Variants in ROBO2 observed in about 807,000 individuals in gnomAD.
ROBO2 encodes the protein roundabout guidance receptor 2, also known as roundabout homolog 2.
Under a neutral mutation model 160.8 loss-of-function variants are expected in ROBO2, and 53 were observed. That is an observed-to-expected ratio of 0.33 (90% CI 0.26 to 0.41). The LOEUF (loss-of-function observed/expected upper bound fraction) is 0.41. ROBO2 is among the 10% of genes least tolerant of loss of function. ROBO2 has a pLI of 1.00. For synonymous variants in ROBO2, 664 were observed against 611.7 expected, an observed-to-expected ratio of 1.09 and a Z score of -1.26; for missense variants, 1,577 against 1,722.4, an observed-to-expected ratio of 0.92 and a Z score of 1.49.
At chr3:76,208,569 C>T (rs1040024271) in intron 2 of ROBO2, among the ~76,000 whole-genome samples, 15 of 152,122 alleles carry the variant, frequency 9.9e-5, no homozygotes, top group African/African-American at 3.6e-4. Flanking sequence ...TCTTAACATA[C>T]TTTCGTATAA....
rs1189261644 is a variant in ROBO2 at position 77,625,552 on chromosome 3, A to AT, written c.3760+3125dup. Among the ~76,000 whole-genome samples the AT allele has an allele frequency of 2.6e-5, 4 of 151,896 alleles. No homozygotes were observed. The South Asian group carries it at 8.3e-4, about 31-fold the overall frequency. ...ACCACCATGCCCAGCTGATTTTTGT[A>AT]TTTTTAGTAGAGACGGGGTTTCACC... On this transcript the variant is annotated intron_variant, in intron 23 of 25. Transcript: ENST00000461745.
chr3:76,372,570 A>G (rs1249433479), intron 2 of ROBO2, among the ~76,000 whole-genome samples: 4 of 152,092 alleles, frequency 2.6e-5, no homozygotes, highest in African/African-American at 9.6e-5. Flanking sequence ...TATAACAGAT[A>G]TCTTCTACTT....
chr3:76,924,332 A>G (rs962405176), intron 2 of ROBO2, among the ~76,000 whole-genome samples: 1 of 152,136 alleles, frequency 6.6e-6, no homozygotes, highest in Non-Finnish European at 1.5e-5. Flanking sequence ...GAATGAGATT[A>G]TTATTTTCTT....
At chr3:77,248,996 G>T (rs936506235) in intron 2 of ROBO2, among the ~76,000 whole-genome samples, 1 of 152,100 alleles carries the variant, frequency 6.6e-6, no homozygotes, top group African/African-American at 2.4e-5. Context: ...TCCTGCCTCA[G>T]CCTCCCGAGT....
At chr3:76,380,026 ATAACCAGTAT>A (rs2076538426) in intron 2 of ROBO2, among the ~76,000 whole-genome samples, 1 of 151,910 alleles carries the variant, frequency 6.6e-6, no homozygotes, top group African/African-American at 2.4e-5. Flanking sequence ...TTCTTATGTT[ATAACCAGTAT>A]CACTAAAAAA....
intron 2 of ROBO2, among the ~76,000 whole-genome samples, chr3:75,977,254 A>G (rs1455317922): frequency 6.6e-6 from 1 of 151,514 alleles, no homozygotes; most frequent in Non-Finnish European, 1.5e-5. Flanking sequence ...ATACGACTAG[A>G]GCACAGATCA....
chr3:77,338,747 C>A (rs1316819391), intron 2 of ROBO2, among the ~76,000 whole-genome samples: 1 of 151,998 alleles, frequency 6.6e-6, no homozygotes, highest in Non-Finnish European at 1.5e-5. Context: ...AGGTATAGGT[C>A]AAGAAAATTA....
At chr3:76,396,850 C>T (rs954634301) in intron 2 of ROBO2, among the ~76,000 whole-genome samples, 7 of 152,138 alleles carry the variant, frequency 4.6e-5, no homozygotes, top group African/African-American at 7.2e-5. Flanking sequence ...AAGAACATTC[C>T]ATGCTCATGG....
intron 2 of ROBO2, among the ~76,000 whole-genome samples, chr3:76,396,703 A>G (rs377650713): frequency 6.6e-6 from 1 of 152,034 alleles, no homozygotes; most frequent in Non-Finnish European, 1.5e-5. Flanking sequence ...AGCCAAATCA[A>G]GAGTGAACTC....
At chr3:75,942,270 T>C (rs1414144170) in intron 2 of ROBO2, among the ~76,000 whole-genome samples, 2 of 152,136 alleles carry the variant, frequency 1.3e-5, no homozygotes, top group Admixed American at 6.6e-5. Context: ...GTGAGGTTGC[T>C]TGGTAAATTA....
chr3:76,302,262 T>C (rs1709399837), intron 2 of ROBO2, among the ~76,000 whole-genome samples: 2 of 152,094 alleles, frequency 1.3e-5, no homozygotes, highest in Non-Finnish European at 2.9e-5. Context: ...TATTAAATAC[T>C]ACTTAAATTT....
At chr3:76,255,134 T>C (rs1706276566) in intron 2 of ROBO2, among the ~76,000 whole-genome samples, 1 of 152,104 alleles carries the variant, frequency 6.6e-6, no homozygotes, top group South Asian at 2.1e-4. Context: ...CTGTGGAGGC[T>C]GTCCATTGGT....
At chr3:76,999,849 G>C (rs2061243394) in intron 2 of ROBO2, among the ~76,000 whole-genome samples, 1 of 152,216 alleles carries the variant, frequency 6.6e-6, no homozygotes, top group East Asian at 1.9e-4. Flanking sequence ...ATATACCTTT[G>C]TGTTCTTTGT....
At chr3:76,242,144 G>C (rs1001126839) in intron 2 of ROBO2, among the ~76,000 whole-genome samples, 2 of 152,144 alleles carry the variant, frequency 1.3e-5, no homozygotes, top group African/African-American at 4.8e-5. Flanking sequence ...CTTGGTTAAT[G>C]CATTTCCTTA....
intron 21 of ROBO2, among the ~76,000 whole-genome samples, chr3:77,614,621 C>T (rs1312218070): frequency 6.6e-6 from 1 of 152,000 alleles, no homozygotes; most frequent in Non-Finnish European, 1.5e-5. Context: ...AAAGGAGTTA[C>T]AATTATAACT....
chr3:76,038,460 A>C (rs994093135), intron 2 of ROBO2, among the ~76,000 whole-genome samples: 2 of 151,968 alleles, frequency 1.3e-5, no homozygotes, highest in African/African-American at 4.8e-5. Context: ...TGCTGTGATT[A>C]CTGCCCTCTT....
intron 2 of ROBO2, among the ~76,000 whole-genome samples, chr3:76,871,043 T>C (rs2071992649): frequency 1.3e-5 from 2 of 152,156 alleles, no homozygotes; most frequent in African/African-American, 4.8e-5. Flanking sequence ...TGAAACTTAC[T>C]CTGTAGTTCT....
chr3:76,580,385 G>C (rs1223007539), intron 2 of ROBO2, among the ~76,000 whole-genome samples: 1 of 89,282 alleles, frequency 1.1e-5, no homozygotes, highest in Non-Finnish European at 2.0e-5. Context: ...CTCTTGGTCT[G>C]ACAGTATCTT....
intron 2 of ROBO2, among the ~76,000 whole-genome samples, chr3:76,914,056 T>A (rs1033462140): frequency 6.6e-6 from 1 of 152,188 alleles, no homozygotes; most frequent in African/African-American, 2.4e-5. Flanking sequence ...GTAAAACAAA[T>A]TGGAATTCAG....
Sources: gnomAD v4.1 joint callset for allele counts (sites outside exome capture counted in the v4.1 genomes callset) on GRCh38, gnomAD v4.1.1 for gene constraint, MANE v1.5 for transcripts, NCBI Gene and HGNC (gene_info 2026-07-23, HGNC 2026-07-21) for gene names.